C10orf67: variants seen among roughly 807,000 people sequenced by gnomAD.
C10orf67 encodes the protein chromosome 10 open reading frame 67.
In C10orf67, 60 loss-of-function variants were observed where a neutral mutation model predicts 35.6. The ratio of observed to expected loss-of-function variants is 1.68; its 90% CI spans 1.37 to 2.09. C10orf67 has a LOEUF of 2.09. Among genes scored for constraint, C10orf67 ranks in the 30% most tolerant of loss-of-function variants. C10orf67 has a pLI of 0.00. For synonymous variants in C10orf67, 167 were observed against 115.8 expected (o/e 1.44, Z -2.84); for missense variants, 474 against 330.2 (o/e 1.44, Z -3.38).
intron 12 of C10orf67, among the ~76,000 whole-genome samples, chr10:23,246,898 A>T (rs1842330827): frequency 6.6e-6 from 1 of 152,178 alleles, no homozygotes; most frequent in Non-Finnish European, 1.5e-5. Context: ...ATCACAACTT[A>T]CTGCAGCCTC....
intron 12 of C10orf67, among the ~76,000 whole-genome samples, chr10:23,245,699 G>C (rs1291952117): frequency 9.9e-5 from 15 of 152,220 alleles, no homozygotes; most frequent in East Asian, 1.9e-4. Flanking sequence ...AAAGACAAAA[G>C]ATAACAAGTG....
Position 23,204,068 on chromosome 10 carries a change from G to A in C10orf67, c.*105C>T. 1 of 436,610 alleles carries A rather than the reference G, an allele frequency of 2.3e-6. No individual in the cohort carries two copies. The highest frequency in any genetic ancestry group is 4.2e-6 in the Non-Finnish European group (1 of 239,224). 27.0% of individuals were successfully genotyped at this position (436,610 alleles called of 1,614,324 possible). A position where few individuals can be genotyped will look rare whatever the true frequency, so the allele number is the denominator to read the frequency against. ...CTGGAGAGATTAAACAATTAGTTTA[G>A]AAAATCCTTGGAGATAGTATCCTTT... On this transcript the variant is annotated 3_prime_UTR_variant, in exon 16 of 16. Transcript: ENST00000636213.
intron 1 of C10orf67, among the ~76,000 whole-genome samples, chr10:23,343,547 T>C (rs182586990): frequency 9.2e-5 from 14 of 152,306 alleles, no homozygotes; most frequent in Non-Finnish European, 2.1e-4. Flanking sequence ...GATTAGCTCA[T>C]TTAATATTCA....
rs78205633 is a variant in C10orf67, at chr10:23,323,539, G to A, written c.328-1002C>T. ...ATCTTCCCCTGCTCTGAATGGAAAC[G>A]ACAAAATCCCATGACTTCTCTATTC... On this transcript the variant is annotated intron_variant, in intron 2 of 15. Coordinates refer to ENST00000636213, the MANE Select transcript of C10orf67 (RefSeq NM_001371909.1). 2.0e-3 allele frequency among the ~76,000 whole-genome samples: 304 copies of A among 152,006 alleles called. 1 individual carries two copies. Among genetic ancestry groups the A allele is most frequent in the Non-Finnish European group, 3.3e-3 (227 of 67,958 alleles).
chr10:23,329,418 T>C (rs1044300941), intron 2 of C10orf67, among the ~76,000 whole-genome samples: 1 of 151,904 alleles, frequency 6.6e-6, no homozygotes, highest in Non-Finnish European at 1.5e-5. Flanking sequence ...AAAATAACAA[T>C]AGCAATAAAA....
intron 12 of C10orf67, among the ~76,000 whole-genome samples, chr10:23,244,667 A>C (rs1842270506): frequency 1.3e-5 from 2 of 152,218 alleles, no homozygotes; most frequent in South Asian, 4.1e-4. Flanking sequence ...TGTATCTTGA[A>C]AACTATAAAG....
At chr10:23,296,248 A>G (rs4748852) in intron 5 of C10orf67, among the ~76,000 whole-genome samples, 87,868 of 151,980 alleles carry the variant, frequency 0.58, 26,618 homozygotes, top group East Asian at 0.88. Flanking sequence ...CCCATACAAA[A>G]GGAAGGGACC....
intron 13 of C10orf67, among the ~76,000 whole-genome samples, chr10:23,231,262 G>A (rs1458989833): frequency 6.6e-6 from 1 of 152,176 alleles, no homozygotes; most frequent in Non-Finnish European, 1.5e-5. Flanking sequence ...TCTAGGTCTA[G>A]GATCAGACCT....
chr10:23,344,374 C>A (rs1354034701), intron 1 of C10orf67, 195 bp downstream of exon 1: 13 of 606,906 alleles, frequency 2.1e-5, no homozygotes, highest in Non-Finnish European at 3.5e-5. Flanking sequence ...GGAGGCGGGG[C>A]GGGCTCCCAA....
chr10:23,274,699 A>G (rs939386231), intron 8 of C10orf67, among the ~76,000 whole-genome samples: 4 of 152,144 alleles, frequency 2.6e-5, no homozygotes, highest in Admixed American at 6.5e-5. Flanking sequence ...CAATTTGTAC[A>G]GTTAACGCAA....
intron 12 of C10orf67, among the ~76,000 whole-genome samples, chr10:23,240,248 A>G (rs1430521193): frequency 1.3e-5 from 2 of 152,156 alleles, no homozygotes; most frequent in African/African-American, 2.4e-5. Flanking sequence ...CATGTTTTTC[A>G]GCTCAGAAAA....
chr10:23,248,094 A>C (rs942651200), intron 12 of C10orf67, among the ~76,000 whole-genome samples: 2 of 152,306 alleles, frequency 1.3e-5, no homozygotes, highest in Middle Eastern at 3.4e-3. Context: ...GACCTCTTCC[A>C]TATATGCAAG....
At chr10:23,326,205 A>T (rs904557301) in intron 2 of C10orf67, among the ~76,000 whole-genome samples, 3 of 152,278 alleles carry the variant, frequency 2.0e-5, no homozygotes, top group East Asian at 3.9e-4. Context: ...TCCAAGCAGG[A>T]TAAATGCATC....
At chr10:23,251,377 G>T (rs535311986) in intron 10 of C10orf67, among the ~76,000 whole-genome samples, 2 of 152,126 alleles carry the variant, frequency 1.3e-5, no homozygotes, top group Non-Finnish European at 2.9e-5. Context: ...GCTTCCCCCA[G>T]TTACTCATTT....
Position 23,223,781 on chromosome 10 carries a change from A to G in C10orf67, c.1472T>C (p.Met491Thr), listed in dbSNP as rs1166210366. The change falls in exon 14 of 16, where the codon ATG becomes ACG. Residue 491 changes from methionine to threonine, a missense_variant. Coordinates refer to ENST00000636213, the MANE Select transcript of C10orf67 (RefSeq NM_001371909.1). Reference protein sequence around the residue: ...KPLLVQSRTTMTAISSSSHCT... With the variant: ...KPLLVQSRTTTTAISSSSHCT... ...ATGACTTGAAGAGGATATAGCTGTCATGGTCGTTCTAGACTGCACTAATAA... is the reference window on the plus strand; with the variant it reads ...ATGACTTGAAGAGGATATAGCTGTCGTGGTCGTTCTAGACTGCACTAATAA... 5 of 715,494 alleles carry G rather than the reference A, an allele frequency of 7.0e-6. No individual in the cohort carries two copies. The East Asian group carries it at 1.1e-4, about 15-fold the overall frequency. 44.3% of individuals were successfully genotyped at this position (715,494 alleles called of 1,614,324 possible).
At position 23,315,692 on chromosome 10, in the gene C10orf67, C is replaced by T. The variant is rs766216476; in HGVS notation, c.546+5049G>A. On this transcript the variant is annotated intron_variant, in intron 4 of 15. Transcript: ENST00000636213. ...CTGAGCCCAAGTGATCTGCCTGCCT[C>T]GGCCCCCCACAGTGCTAGGATTATA... Among the ~76,000 whole-genome samples the T allele has an allele frequency of 2.0e-5, 3 of 152,268 alleles. No homozygotes were observed. In the East Asian group the frequency reaches 5.8e-4, roughly 29 times the overall value.
intron 15 of C10orf67, among the ~76,000 whole-genome samples, chr10:23,214,582 A>C (rs1841385358): frequency 6.6e-6 from 1 of 152,226 alleles, no homozygotes; most frequent in Non-Finnish European, 1.5e-5. Context: ...TAAAAATAGA[A>C]GGAAATAGCA....
chr10:23,214,226 T>G (rs1841377867), intron 15 of C10orf67, among the ~76,000 whole-genome samples: 1 of 152,060 alleles, frequency 6.6e-6, no homozygotes, highest in Non-Finnish European at 1.5e-5. Flanking sequence ...TAGAGAGATA[T>G]TTTTATATTT....
chr10:23,340,349 C>CAA (rs34098221), intron 1 of C10orf67, among the ~76,000 whole-genome samples: 86 of 118,576 alleles, frequency 7.3e-4, no homozygotes, highest in African/African-American at 2.8e-3. Context: ...TACAAAAATA[C>CAA]AAAAAAAAAA....
Sources: allele counts gnomAD v4.1 joint callset (sites outside exome capture counted in the v4.1 genomes callset), GRCh38; gene constraint gnomAD v4.1.1; transcripts MANE v1.5; gene names NCBI Gene and HGNC (gene_info 2026-07-23, HGNC 2026-07-21).